The following CDH2 variants were observed in gnomAD, a reference collection of about 807,000 sequenced individuals.
The protein encoded by CDH2 is cadherin-2.
CDH2 carries 17 observed loss-of-function variants against 92.0 expected under a neutral mutation model. The ratio of observed to expected loss-of-function variants is 0.18; its 90% confidence interval spans 0.13 to 0.28. The LOEUF (loss-of-function observed/expected upper bound fraction) is 0.28, where lower values mean the gene tolerates loss of function less well. CDH2 is among the 10% of genes least tolerant of loss of function. The pLI, the probability that CDH2 is intolerant of heterozygous loss-of-function variation, is 1.00. For missense variants in CDH2, 862 were observed against 1,133.1 expected (o/e 0.76, Z 3.44); for synonymous variants, 419 against 415.9 (o/e 1.01, Z -0.09).
chr18:28,094,657 G>A (rs879838751), intron 2 of CDH2, among the ~76,000 whole-genome samples: 3 of 151,816 alleles, frequency 2.0e-5, no homozygotes, highest in Non-Finnish European at 2.9e-5. Context: ...AGACAGGTGT[G>A]GTGGCGGGCG....
At position 28,126,232 on chromosome 18, in the gene CDH2, T is replaced by C. The variant is rs150829679; in HGVS notation, c.172+21441A>G. On this transcript the variant is annotated intron_variant, in intron 2 of 15. Coordinates refer to ENST00000269141, the MANE Select transcript of CDH2 (RefSeq NM_001792.5). ...GCTATATATTATTACCAAATAGATA[T>C]ATGGAATAACACTTAAATAGATTAA... Among the ~76,000 whole-genome samples, 616 of 152,294 alleles carry C rather than the reference T, an allele frequency of 4.0e-3. 7 individuals are homozygous for C. Among genetic ancestry groups the C allele is most frequent in the African/African-American group, 0.014 (593 of 41,560 alleles).
intron 1 of CDH2, among the ~76,000 whole-genome samples, chr18:28,153,696 T>C (rs1377448145): frequency 6.6e-6 from 1 of 152,190 alleles, no homozygotes; most frequent in Non-Finnish European, 1.5e-5. Context: ...TCCCCATCTG[T>C]ACAACAAGAG....
At chr18:28,096,707 A>G (rs2015141107) in intron 2 of CDH2, among the ~76,000 whole-genome samples, 1 of 152,234 alleles carries the variant, frequency 6.6e-6, no homozygotes, top group South Asian at 2.1e-4. Flanking sequence ...ACAATCTAAT[A>G]TCATGTACTC....
At position 28,088,340 on chromosome 18, in the gene CDH2, G is replaced by A. The variant is rs140688177; in HGVS notation, c.172+59333C>T. ...TGCCCCTTGATACTCAAAATCTAAT[G>A]TGAGAAATAAAACATACGTAAGCCC... On this transcript the variant is annotated intron_variant, in intron 2 of 15. Transcript: ENST00000269141. Among the ~76,000 whole-genome samples the A allele has an allele frequency of 1.8e-3, 281 of 152,256 alleles. 1 individual carries two copies. Among genetic ancestry groups the A allele is most frequent in the African/African-American group, 6.3e-3 (261 of 41,558 alleles).
At chr18:27,947,675 T>C (rs368518105), downstream of CDH2, among the ~76,000 whole-genome samples, 7 of 150,498 alleles carry the variant, frequency 4.7e-5, no homozygotes, top group Non-Finnish European at 9.0e-5. Flanking sequence ...GTGATATAAG[T>C]ATATGTGATA....
At position 28,169,409 on chromosome 18, in the gene CDH2, GAA is replaced by G. The variant is rs146606267; in HGVS notation, c.60+7552_60+7553del. ...AAAGTGTATTTTAGTAATGAAGGGA[GAA>G]AAGAGTCATTTTACATTTTTAGTGC... is the stretch of plus-strand genomic sequence containing the variant. On this transcript the variant is annotated intron_variant, in intron 1 of 15. Transcript: ENST00000269141. Among the ~76,000 whole-genome samples the G allele has an allele frequency of 3.2e-3, 489 of 152,206 alleles. 3 individuals carry two copies. Among genetic ancestry groups the G allele is most frequent in the African/African-American group, 0.011 (439 of 41,544 alleles).
At chr18:28,005,615 A>G (rs2012892933) in intron 6 of CDH2, among the ~76,000 whole-genome samples, 2 of 152,002 alleles carry the variant, frequency 1.3e-5, no homozygotes, top group African/African-American at 4.8e-5. Context: ...TGTAGTGCAT[A>G]TTTTTTCAAA....
At chr18:27,973,902 G>A (rs1011302247) in intron 14 of CDH2, among the ~76,000 whole-genome samples, 5 of 152,134 alleles carry the variant, frequency 3.3e-5, no homozygotes, top group East Asian at 1.9e-4. Flanking sequence ...AGTCTTTGGC[G>A]CTTAGGTCCC....
At chr18:28,012,723 G>A (rs1471948088) in intron 3 of CDH2, among the ~76,000 whole-genome samples, 2 of 152,060 alleles carry the variant, frequency 1.3e-5, no homozygotes, top group Non-Finnish European at 2.9e-5. Flanking sequence ...ATTACCCAAT[G>A]ACATGACTTC....
At chr18:28,170,004 T>A (rs927105834) in intron 1 of CDH2, among the ~76,000 whole-genome samples, 17 of 152,190 alleles carry the variant, frequency 1.1e-4, no homozygotes, top group Non-Finnish European at 2.4e-4. Flanking sequence ...GTCAGGAGAA[T>A]GTGAAATATT....
At chr18:28,082,065 A>C (rs1212097763) in intron 2 of CDH2, among the ~76,000 whole-genome samples, 1 of 152,212 alleles carries the variant, frequency 6.6e-6, no homozygotes, top group African/African-American at 2.4e-5. Context: ...TTTTTGTGAA[A>C]AAATGACTGA....
At position 28,003,084 on chromosome 18, in the gene CDH2, C is replaced by T; in HGVS notation, c.933G>A (p.Gln311=). The part of the protein sequence containing the change: ...NGMLRYRIVS[Q]APSTPSPNMF... ...TGTTGGGTGAAGGGGTGCTTGGAGC[C>T]TGAGACACGATTCTGTACCTCAACA... The change falls in exon 7 of 16, where the codon CAG becomes CAA. Residue 311 remains glutamine, a synonymous_variant. Coordinates refer to ENST00000269141, the MANE Select transcript of CDH2 (RefSeq NM_001792.5). The T allele has an allele frequency of 6.2e-7, 1 of 1,613,986 alleles. No individual in the cohort carries two copies. Among genetic ancestry groups the T allele is most frequent in the South Asian group, 1.1e-5 (1 of 91,062 alleles).
At chr18:28,131,651 AAGAG>A (rs965809243) in intron 2 of CDH2, among the ~76,000 whole-genome samples, 23 of 151,266 alleles carry the variant, frequency 1.5e-4, no homozygotes, top group African/African-American at 5.6e-4. Flanking sequence ...TTAAGGATAA[AAGAG>A]AGAAGATACT....
chr18:28,069,571 A>T (rs765918433), intron 2 of CDH2, among the ~76,000 whole-genome samples: 10 of 152,120 alleles, frequency 6.6e-5, no homozygotes, highest in Non-Finnish European at 1.3e-4. Flanking sequence ...TACCTTAAAC[A>T]TTCCTCCCTC....
chr18:27,952,466 TAAA>T, intron 15 of CDH2, 107 bp from the exon 16 acceptor site: 1 of 826,124 alleles, frequency 1.2e-6, no homozygotes, highest in Non-Finnish European at 2.0e-6. Flanking sequence ...CACTTGTTTG[TAAA>T]TTTCCATTTA....
chr18:27,961,641 A>G (rs977699405), intron 15 of CDH2, among the ~76,000 whole-genome samples: 1 of 152,216 alleles, frequency 6.6e-6, no homozygotes, highest in Non-Finnish European at 1.5e-5. Flanking sequence ...GATGAGGAAT[A>G]GCCTTTATAA....
chr18:27,938,013 T>C (rs1909056373), intron 6 of CDH2, among the ~76,000 whole-genome samples: 1 of 152,154 alleles, frequency 6.6e-6, no homozygotes, highest in Non-Finnish European at 1.5e-5. Context: ...GATTGGATCG[T>C]GGGGGTGGTT....
At chr18:28,128,603 T>A (rs898157096) in intron 2 of CDH2, among the ~76,000 whole-genome samples, 6 of 151,954 alleles carry the variant, frequency 3.9e-5, no homozygotes, top group African/African-American at 1.5e-4. Flanking sequence ...GAAGAGCTGA[T>A]TGAGCTCAGA....
chr18:28,103,409 T>C (rs2015265097), intron 2 of CDH2, among the ~76,000 whole-genome samples: 1 of 145,272 alleles, frequency 6.9e-6, no homozygotes, highest in South Asian at 2.1e-4. Flanking sequence ...ATAAAGTATG[T>C]ATATATATAA....
Sources: gnomAD v4.1 joint callset for allele counts (sites outside exome capture counted in the v4.1 genomes callset) on GRCh38, gnomAD v4.1.1 for gene constraint, MANE v1.5 for transcripts, NCBI Gene and HGNC (gene_info 2026-07-23, HGNC 2026-07-21) for gene names.